Variants in COPG2 observed in about 807,000 individuals in gnomAD.
The protein encoded by COPG2 is coat protein complex I subunit gamma 2.
In COPG2, 37 loss-of-function variants were observed where a neutral mutation model predicts 46.3. The ratio of observed to expected loss-of-function variants is 0.80; its 90% CI spans 0.61 to 1.05. The LOEUF (loss-of-function observed/expected upper bound fraction) is 1.05. Among genes scored for constraint, COPG2 ranks in the 50% least tolerant of loss-of-function variants. The pLI is 0.00. For missense variants in COPG2, 427 were observed against 387.8 expected, an observed-to-expected ratio of 1.10 and a Z score of -0.85; for synonymous variants, 159 against 129.7, an observed-to-expected ratio of 1.23 and a Z score of -1.53.
chr7:130,568,745 A>T (rs1021319800), intron 9 of COPG2, among the ~76,000 whole-genome samples: 2,489 of 152,240 alleles, frequency 0.016, 66 homozygotes, highest in African/African-American at 0.057. Flanking sequence ...CTACCCAACA[A>T]CTGCAGAATA....
Position 130,652,964 on chromosome 7 carries a change from T to A in COPG2, c.244-16A>T. On this transcript the variant is annotated splice_polypyrimidine_tract_variant and intron_variant, in intron 4 of 23. Coordinates refer to ENST00000425248, the MANE Select transcript of COPG2 (RefSeq NM_012133.6). The stretch of plus-strand genomic sequence containing the variant: ...TCAATGTTTGCTGAAAAATCATTTA[T>A]AAAAGGTAACAGATTATTGATTAGG... 1 of 1,533,910 alleles carries A rather than the reference T, an allele frequency of 6.5e-7. No individual in the cohort carries two copies. Among genetic ancestry groups the A allele is most frequent in the South Asian group, 1.2e-5 (1 of 85,818 alleles).
chr7:130,571,641 T>C (rs193054922), intron 9 of COPG2, among the ~76,000 whole-genome samples: 6 of 152,132 alleles, frequency 3.9e-5, no homozygotes, highest in Non-Finnish European at 8.8e-5. Flanking sequence ...GTGTGGAGAT[T>C]ACTTAAAGAA....
At chr7:130,594,183 T>C (rs1554449408) in intron 9 of COPG2, among the ~76,000 whole-genome samples, 1 of 152,214 alleles carries the variant, frequency 6.6e-6, no homozygotes, top group East Asian at 1.9e-4. Flanking sequence ...AGAAAAAAGT[T>C]GTCAAACTCA....
intron 9 of COPG2, among the ~76,000 whole-genome samples, chr7:130,568,008 G>A (rs1368399090): frequency 6.6e-6 from 1 of 152,172 alleles, no homozygotes; most frequent in African/African-American, 2.4e-5. Flanking sequence ...GCTAGGTGCG[G>A]TGACTCACAC....
intron 9 of COPG2, among the ~76,000 whole-genome samples, chr7:130,585,122 T>A (rs547624749): frequency 1.3e-5 from 2 of 152,074 alleles, no homozygotes; most frequent in African/African-American, 4.8e-5. Context: ...AACAGGCACA[T>A]AGGCCAATGT....
intron 9 of COPG2, among the ~76,000 whole-genome samples, chr7:130,605,010 G>A (rs1272512505): frequency 1.3e-5 from 2 of 152,072 alleles, no homozygotes; most frequent in Non-Finnish European, 2.9e-5. Context: ...AACCCATACT[G>A]GGAAATATTT....
chr7:130,654,282 G>C (rs1795805437), intron 4 of COPG2, among the ~76,000 whole-genome samples: 1 of 152,122 alleles, frequency 6.6e-6, no homozygotes, highest in Non-Finnish European at 1.5e-5. Flanking sequence ...ACAAAATAAA[G>C]AGAAATTCAC....
At position 130,513,308 on chromosome 7, in the gene COPG2, A is replaced by AATATATATATAT. The variant is rs1197540092; in HGVS notation, c.2150-4661_2150-4650dup. On this transcript the variant is annotated intron_variant, in intron 20 of 23. Transcript: ENST00000425248. ...TTCTGTCTAAAAAAAAAAAAAAAAAAATATATATATATATATATATATATA... is the reference window on the plus strand; with the variant it reads ...TTCTGTCTAAAAAAAAAAAAAAAAAAATATATATATATATATATATATATATATATATATATA... Among the ~76,000 whole-genome samples, 51 of 55,640 alleles carry AATATATATATAT rather than the reference A, an allele frequency of 9.2e-4. 1 individual carries two copies. Among genetic ancestry groups the AATATATATATAT allele is most frequent in the Non-Finnish European group, 1.0e-3 (35 of 34,140 alleles). 36.5% of individuals were successfully genotyped at this position (55,640 alleles called of 152,430 possible).
chr7:130,598,665 C>G (rs1794575173), intron 9 of COPG2, among the ~76,000 whole-genome samples: 2 of 152,180 alleles, frequency 1.3e-5, no homozygotes, highest in African/African-American at 4.8e-5. Context: ...CCTAACTGGG[C>G]CAAAGCATCA....
intron 20 of COPG2, among the ~76,000 whole-genome samples, chr7:130,520,161 T>G (rs1799712860): frequency 6.6e-6 from 1 of 152,186 alleles, no homozygotes; most frequent in Non-Finnish European, 1.5e-5. Context: ...ATAGAGTCAG[T>G]GGGTAAATGA....
At chr7:130,656,626 GATC>G (rs2116248734) in intron 4 of COPG2, among the ~76,000 whole-genome samples, 1 of 152,108 alleles carries the variant, frequency 6.6e-6, no homozygotes, top group East Asian at 1.9e-4. Flanking sequence ...CATTTAAGGA[GATC>G]ACAAGAAAAA....
intron 5 of COPG2, chr7:130,645,628 C>G (rs972846730): frequency 6.1e-6 from 1 of 163,212 alleles, no homozygotes; most frequent in Non-Finnish European, 1.3e-5. Flanking sequence ...AACATGGGTG[C>G]TCTTTAGAGA....
intron 5 of COPG2, among the ~76,000 whole-genome samples, chr7:130,623,880 T>C (rs1795077270): frequency 6.6e-6 from 1 of 152,220 alleles, no homozygotes; most frequent in South Asian, 2.1e-4. Flanking sequence ...TCTTTATATT[T>C]GTTTAAGTAT....
At chr7:130,509,130 G>A in intron 20 of COPG2, 1 of 444,518 alleles carries the variant, frequency 2.2e-6, no homozygotes, top group Non-Finnish European at 4.4e-6. Context: ...TTAGATTGTG[G>A]ACTGATGGCG....
intron 20 of COPG2, among the ~76,000 whole-genome samples, chr7:130,519,397 A>C (rs1799707507): frequency 6.6e-6 from 1 of 152,220 alleles, no homozygotes. Context: ...CAGGGATCCC[A>C]GGATGTCCAG....
intron 9 of COPG2, among the ~76,000 whole-genome samples, chr7:130,589,636 C>G (rs1023133340): frequency 6.6e-6 from 1 of 152,106 alleles, no homozygotes; most frequent in Non-Finnish European, 1.5e-5. Flanking sequence ...GTATTTCTAC[C>G]AATTTATATT....
intron 4 of COPG2, among the ~76,000 whole-genome samples, chr7:130,659,245 C>G (rs985866097): frequency 2.0e-5 from 3 of 150,110 alleles, no homozygotes; most frequent in African/African-American, 7.4e-5. Context: ...GTCCCAGCTA[C>G]TCAGGAGGCT....
intron 5 of COPG2, among the ~76,000 whole-genome samples, chr7:130,642,639 T>A (rs1328062155): frequency 1.3e-5 from 2 of 152,242 alleles, no homozygotes; most frequent in Non-Finnish European, 2.9e-5. Context: ...TTGTTCCTTC[T>A]TCTTTGATGA....
intron 5 of COPG2, among the ~76,000 whole-genome samples, chr7:130,637,600 G>A (rs1238664407): frequency 6.6e-6 from 1 of 152,030 alleles, no homozygotes; most frequent in East Asian, 1.9e-4. Context: ...TTTCTAAGCT[G>A]GTTATTCTAC....
Sources: allele counts gnomAD v4.1 joint callset (sites outside exome capture counted in the v4.1 genomes callset), GRCh38; gene constraint gnomAD v4.1.1; transcripts MANE v1.5; gene names NCBI Gene and HGNC (gene_info 2026-07-23, HGNC 2026-07-21).